NEURL1: variants seen among roughly 807,000 people sequenced by gnomAD.
NEURL1 encodes the protein E3 ubiquitin-protein ligase NEURL1.
In NEURL1, 26 loss-of-function variants were observed where a neutral mutation model predicts 41.2. That is an observed-to-expected ratio of 0.63 (90% CI 0.46 to 0.87). NEURL1 has a LOEUF of 0.87. Among genes scored for constraint, NEURL1 ranks in the 40% least tolerant of loss-of-function variants. NEURL1 has a pLI of 0.00. For missense variants in NEURL1, 761 were observed against 871.1 expected (o/e 0.87, Z 1.59); for synonymous variants, 400 against 402.3 (o/e 0.99, Z 0.07).
At chr10:103,542,109 G>A (rs2034832535) in intron 1 of NEURL1, among the ~76,000 whole-genome samples, 2 of 152,198 alleles carry the variant, frequency 1.3e-5, no homozygotes, top group South Asian at 4.1e-4. Context: ...TCTTGACCAT[G>A]TCACTGAGAA....
At chr10:103,504,048 C>G (rs1321100525) in intron 1 of NEURL1, among the ~76,000 whole-genome samples, 1 of 151,720 alleles carries the variant, frequency 6.6e-6, no homozygotes, top group African/African-American at 2.4e-5. Flanking sequence ...GGCTGGAGTG[C>G]AGTGGCGCCA....
intron 1 of NEURL1, among the ~76,000 whole-genome samples, chr10:103,528,100 A>G (rs1234036106): frequency 6.6e-6 from 1 of 152,218 alleles, no homozygotes; most frequent in Non-Finnish European, 1.5e-5. Flanking sequence ...TCATGCCTGT[A>G]ATCCCAGTAC....
intron 1 of NEURL1, chr10:103,555,211 AGGGGGCGCGTGGGGGCGCGT>A (rs1201186565): frequency 8.5e-6 from 5 of 589,366 alleles, no homozygotes; most frequent in Admixed American, 2.5e-4. Context: ...CGTGTGCCGG[AGGGGGCGCGTGGGGGCGCGT>A]GGGGGCGCGG....
intron 1 of NEURL1, among the ~76,000 whole-genome samples, chr10:103,570,296 G>A (rs1189237057): frequency 1.3e-5 from 2 of 152,110 alleles, no homozygotes; most frequent in African/African-American, 4.8e-5. Context: ...GCTGAGACTT[G>A]TCTTGGAGCC....
At chr10:103,544,707 T>C (rs1158286772) in intron 1 of NEURL1, among the ~76,000 whole-genome samples, 2 of 152,220 alleles carry the variant, frequency 1.3e-5, no homozygotes, top group Non-Finnish European at 1.5e-5. Flanking sequence ...GGAATTGGGC[T>C]TGGCTAAGCA....
intron 3 of NEURL1, among the ~76,000 whole-genome samples, chr10:103,575,001 T>C (rs2133879587): frequency 6.6e-6 from 1 of 152,126 alleles, no homozygotes; most frequent in South Asian, 2.1e-4. Context: ...TTTTTTTTTT[T>C]TTGGTAAAGA....
At chr10:103,524,922 G>A (rs2034430321) in intron 1 of NEURL1, among the ~76,000 whole-genome samples, 2 of 151,968 alleles carry the variant, frequency 1.3e-5, no homozygotes, top group African/African-American at 2.4e-5. Context: ...GCTATATGGG[G>A]GGTGGGGTCC....
In NEURL1 at chr10:103,585,162, G is replaced by C. The variant is rs769225860; in HGVS notation, c.1276G>C (p.Ala426Pro). ...CGCCGGCATGCAGCTGTGCGTGGAC[G>C]CCTCGCAGCCGCTTTGGATGCTCTT... ...AAAGMQLCVD[A>P]SQPLWMLFGL... Residue 426 changes from alanine to proline, a missense_variant, in exon 4 of 6, where the codon GCC (alanine) becomes CCC (proline). Physicochemically the swap from Ala to Pro is conservative, Grantham distance 27. Transcript: ENST00000369780. 1.9e-6 allele frequency: 3 copies of C among 1,588,718 alleles called. No homozygotes were observed. The highest frequency in any genetic ancestry group is 2.6e-6 in the Non-Finnish European group (3 of 1,173,386).
At chr10:103,536,762 CAT>C (rs2034702273) in intron 1 of NEURL1, among the ~76,000 whole-genome samples, 1 of 152,144 alleles carries the variant, frequency 6.6e-6, no homozygotes, top group South Asian at 2.1e-4. Flanking sequence ...GTAAAATACA[CAT>C]AACATAAAAT....
At position 103,494,016 on chromosome 10, in the gene NEURL1, G is replaced by A; in HGVS notation, c.-372G>A. On this transcript the variant is annotated 5_prime_UTR_variant, in exon 1 of 6. Coordinates refer to ENST00000369780, the MANE Select transcript of NEURL1 (RefSeq NM_004210.5). ...CCAGCGACCCTGACTCTATGGCCCC[G>A]GGGGAGCGCGCCGGAGCCGCCGCGC... 1 of 186,904 alleles carries A rather than the reference G, an allele frequency of 5.4e-6. No individual in the cohort carries two copies. The highest frequency in any genetic ancestry group is 6.3e-5 in the Admixed American group (1 of 15,898). 11.6% of individuals were successfully genotyped at this position (186,904 alleles called of 1,614,324 possible).
intron 1 of NEURL1, among the ~76,000 whole-genome samples, chr10:103,525,607 T>C (rs941871101): frequency 7.2e-5 from 11 of 152,078 alleles, no homozygotes; most frequent in African/African-American, 2.7e-4. Flanking sequence ...ACCAGCCTCC[T>C]CCTCCCAAAG....
intron 1 of NEURL1, among the ~76,000 whole-genome samples, chr10:103,511,112 G>GAGT (rs1432606307): frequency 6.6e-6 from 1 of 152,208 alleles, no homozygotes; most frequent in Non-Finnish European, 1.5e-5. Context: ...GGATAGGAGT[G>GAGT]AGTGGGGGAC....
rs538778307 is a variant in NEURL1 at position 103,519,048 on chromosome 10, C to G, written c.85+24576C>G. 5.3e-5 allele frequency among the ~76,000 whole-genome samples: 8 copies of G among 152,232 alleles called. No individual in the cohort carries two copies. The South Asian group carries it at 1.7e-3, about 32-fold the overall frequency. ...TCGCTTGAGGTTAGAAGTTCAAAATCAGCCTGGGCAACATGGTGAAACCCT... is the reference window on the plus strand; with the variant it reads ...TCGCTTGAGGTTAGAAGTTCAAAATGAGCCTGGGCAACATGGTGAAACCCT... On this transcript the variant is annotated intron_variant, in intron 1 of 5. Transcript: ENST00000369780.
chr10:103,539,381 G>T (rs1208397558), intron 1 of NEURL1, among the ~76,000 whole-genome samples: 1 of 152,102 alleles, frequency 6.6e-6, no homozygotes, highest in East Asian at 1.9e-4. Context: ...ATATATTCTG[G>T]ATTCTCTATT....
At chr10:103,559,918 T>C (rs553044734) in intron 1 of NEURL1, among the ~76,000 whole-genome samples, 5 of 151,086 alleles carry the variant, frequency 3.3e-5, no homozygotes, top group Admixed American at 1.3e-4. Flanking sequence ...AACACACACA[T>C]GCACACACAT....
intron 3 of NEURL1, among the ~76,000 whole-genome samples, chr10:103,575,399 T>C (rs3781370): frequency 0.2 from 29,677 of 152,156 alleles, 2,986 homozygotes; most frequent in South Asian, 0.26. Flanking sequence ...GTCTGATCTT[T>C]GGGGATTTTC....
intron 1 of NEURL1, among the ~76,000 whole-genome samples, chr10:103,554,961 C>A (rs2035113346): frequency 2.0e-5 from 3 of 152,120 alleles, no homozygotes; most frequent in Non-Finnish European, 4.4e-5. Flanking sequence ...TGAGATGGGG[C>A]TGTGTGTGAT....
chr10:103,526,450 G>T (rs893587570), intron 1 of NEURL1, among the ~76,000 whole-genome samples: 4 of 151,836 alleles, frequency 2.6e-5, no homozygotes, highest in African/African-American at 4.8e-5. Context: ...TTTCTTCTTG[G>T]TTCAATCTTG....
At chr10:103,559,943 C>T (rs920583969) in intron 1 of NEURL1, among the ~76,000 whole-genome samples, 2 of 151,866 alleles carry the variant, frequency 1.3e-5, no homozygotes, top group Admixed American at 6.6e-5. Context: ...CACACATGCA[C>T]ACACACGTAC....
Sources: gnomAD v4.1 joint callset for allele counts (sites outside exome capture counted in the v4.1 genomes callset) on GRCh38, gnomAD v4.1.1 for gene constraint, MANE v1.5 for transcripts, NCBI Gene and HGNC (gene_info 2026-07-23, HGNC 2026-07-21) for gene names.